The following CENPK variants were observed in gnomAD, a reference collection of about 807,000 sequenced individuals.
CENPK encodes SoxLZ/Sox6-binding protein Solt.
A neutral mutation model predicts 40.9 loss-of-function variants in CENPK; 46 were observed. The ratio of observed to expected loss-of-function variants is 1.13; its 90% CI spans 0.89 to 1.44. CENPK has a LOEUF of 1.44. Among genes scored for constraint, CENPK ranks in the 40% most tolerant of loss-of-function variants. CENPK has a pLI of 0.00. For missense variants in CENPK, 288 were observed against 303.5 expected (o/e 0.95, Z 0.38); for synonymous variants, 107 against 104.4 (o/e 1.02, Z -0.15).
intron 9 of CENPK, among the ~76,000 whole-genome samples, chr5:65,527,103 TA>T (rs1353855281): frequency 2.0e-5 from 3 of 151,392 alleles, no homozygotes; most frequent in Non-Finnish European, 4.4e-5. Flanking sequence ...TCCCCAAAAA[TA>T]AAAATAAATA....
downstream of CENPK, among the ~76,000 whole-genome samples, chr5:65,513,675 G>T (rs936711959): frequency 6.6e-6 from 1 of 152,126 alleles, no homozygotes; most frequent in African/African-American, 2.4e-5. Flanking sequence ...CTATATTCAG[G>T]TTTTAGTTTC....
chr5:65,529,211 T>A lies in CENPK; in HGVS notation c.289-12A>T. ...CTCAGCTTTTGGAACTAGAATAAAATAATTCAAATTAATTGCTTGGTCTTT... is the reference window on the plus strand; with the variant it reads ...CTCAGCTTTTGGAACTAGAATAAAAAAATTCAAATTAATTGCTTGGTCTTT... On this transcript the variant is annotated splice_polypyrimidine_tract_variant and intron_variant, in intron 6 of 10. Transcript: ENST00000396679. 6.6e-7 allele frequency: 1 copy of A among 1,516,090 alleles called. No homozygotes were observed. The highest frequency in any genetic ancestry group is 9.1e-7 in the Non-Finnish European group (1 of 1,099,670). The allele number at this position is 1,516,090 out of a possible 1,614,324, so 93.9% of individuals were successfully genotyped here. A position where few individuals can be genotyped will look rare whatever the true frequency, so the allele number is the denominator to read the frequency against.
At chr5:65,506,647 T>C in the CENPK span, among the ~76,000 whole-genome samples, 1 of 152,106 alleles carries the variant, frequency 6.6e-6, no homozygotes, top group African/African-American at 2.4e-5. Flanking sequence ...TAGCCAGGCA[T>C]GTTGATGAGT....
chr5:65,516,110 T>C (rs1230990814), downstream of CENPK, among the ~76,000 whole-genome samples: 1 of 152,190 alleles, frequency 6.6e-6, no homozygotes, highest in Non-Finnish European at 1.5e-5. Context: ...CTCCAAACAC[T>C]ATCGCACTGG....
chr5:65,545,860 T>C (rs771207313), intron 5 of CENPK, among the ~76,000 whole-genome samples: 1 of 152,034 alleles, frequency 6.6e-6, no homozygotes, highest in Non-Finnish European at 1.5e-5. Flanking sequence ...CTGCAGAAAC[T>C]GGGAAATAAT....
At chr5:65,562,225 A>T (rs1317158975) in intron 1 of CENPK, among the ~76,000 whole-genome samples, 2 of 152,200 alleles carry the variant, frequency 1.3e-5, no homozygotes, top group African/African-American at 4.8e-5. Flanking sequence ...AGCTGTAAAC[A>T]TGAAGGCTAA....
intron 10 of CENPK, among the ~76,000 whole-genome samples, chr5:65,521,005 A>G (rs1743623276): frequency 6.6e-6 from 1 of 152,200 alleles, no homozygotes. Context: ...ACACTGTAAG[A>G]AAAGAGACTG....
In CENPK at chr5:65,561,466, T is replaced by C. The variant is rs1024707099; in HGVS notation, c.-43A>G. The C allele has an allele frequency of 1.1e-5, 5 of 454,908 alleles. No homozygotes were observed. The highest frequency in any genetic ancestry group is 6.0e-5 in the African/African-American group (3 of 49,976). The allele number at this position is 454,908 out of a possible 1,614,324, so 28.2% of individuals were successfully genotyped here. On this transcript the variant is annotated 5_prime_UTR_variant, in exon 2 of 11. Coordinates refer to ENST00000396679, the MANE Select transcript of CENPK (RefSeq NM_022145.5). ...CATTTAAGAGTTTGCTCTCTACCGC[T>C]TGAGGATGCAAGATGTAAGCTGTAT...
At chr5:65,523,122 C>T (rs901548175) in intron 9 of CENPK, among the ~76,000 whole-genome samples, 2 of 152,088 alleles carry the variant, frequency 1.3e-5, no homozygotes, top group South Asian at 2.1e-4. Context: ...AAACATCATC[C>T]TATTTTATTT....
chr5:65,518,660 ACTTTACTTGGG>A, intron 10 of CENPK, 27 bp from the exon 11 acceptor site: 1 of 1,481,338 alleles, frequency 6.8e-7, no homozygotes, highest in African/African-American at 1.4e-5. Context: ...TTCAAAATAT[ACTTTACTTGGG>A]AAAAAGTCAA....
At chr5:65,542,010 T>A (rs752713289) in intron 6 of CENPK, among the ~76,000 whole-genome samples, 7 of 152,172 alleles carry the variant, frequency 4.6e-5, no homozygotes, top group Non-Finnish European at 8.8e-5. Context: ...TCTAGTTGTG[T>A]CCTCACAAGA....
At chr5:65,542,611 T>C (rs1287561746) in intron 6 of CENPK, among the ~76,000 whole-genome samples, 191 bp downstream of exon 6, 1 of 151,626 alleles carries the variant, frequency 6.6e-6, no homozygotes, top group Non-Finnish European at 1.5e-5. Flanking sequence ...CATTCCAGAC[T>C]GGGCAACAGA....
intron 6 of CENPK, among the ~76,000 whole-genome samples, chr5:65,531,236 C>G (rs919539534): frequency 2.0e-5 from 3 of 150,204 alleles, no homozygotes; most frequent in African/African-American, 7.3e-5. Context: ...TAAATATGGT[C>G]TAACAATGGC....
At position 65,531,138 on chromosome 5, in the gene CENPK, G is replaced by A. The variant is rs74364012; in HGVS notation, c.289-1939C>T. Among the ~76,000 whole-genome samples the A allele has an allele frequency of 4.6e-3, 696 of 152,162 alleles. 15 individuals carry two copies. The highest frequency in any genetic ancestry group is 0.03 in the Admixed American group (464 of 15,282). ...CAACACTGCACCCAGCCTGGGCAAC[G>A]GAGCAAGATCCTCTGCTCCCAACCC... On this transcript the variant is annotated intron_variant, in intron 6 of 10. Coordinates refer to ENST00000396679, the MANE Select transcript of CENPK (RefSeq NM_022145.5).
At position 65,529,279 on chromosome 5, in the gene CENPK, G is replaced by A. The variant is rs2150376097; in HGVS notation, c.289-80C>T. On this transcript the variant is annotated intron_variant, in intron 6 of 10. Coordinates refer to ENST00000396679, the MANE Select transcript of CENPK (RefSeq NM_022145.5). ...TGAACGATAGTCAAATTTACACAGT[G>A]GTCCAGGATACTTCCATTCAGACAT... 4 of 865,402 alleles carry A rather than the reference G, an allele frequency of 4.6e-6. No homozygotes were observed. In the East Asian group the frequency reaches 1.1e-4, roughly 23 times the overall value. 53.6% of individuals were successfully genotyped at this position (865,402 alleles called of 1,614,324 possible).
downstream of CENPK, among the ~76,000 whole-genome samples, chr5:65,513,220 G>A (rs1163048010): frequency 2.6e-5 from 4 of 152,056 alleles, no homozygotes; most frequent in Non-Finnish European, 5.9e-5. Flanking sequence ...TGGTGTTGTA[G>A]CTAAAAAGTC....
chr5:65,531,847 T>A (rs1745905941), intron 6 of CENPK, among the ~76,000 whole-genome samples: 1 of 151,818 alleles, frequency 6.6e-6, no homozygotes, highest in Admixed American at 6.6e-5. Context: ...ATTAATAACC[T>A]CAGCTTCTAT....
intron 5 of CENPK, among the ~76,000 whole-genome samples, chr5:65,549,652 T>C (rs1749627933): frequency 6.6e-6 from 1 of 152,248 alleles, no homozygotes; most frequent in South Asian, 2.1e-4. Flanking sequence ...GTTATGGAGA[T>C]GGCTTCTTTC....
intron 2 of CENPK, among the ~76,000 whole-genome samples, chr5:65,560,757 A>G (rs1254527514): frequency 1.3e-5 from 2 of 152,218 alleles, no homozygotes; most frequent in Non-Finnish European, 2.9e-5. Flanking sequence ...AGAGGCTTGC[A>G]CTGTTGGTGG....
Sources: gnomAD v4.1 joint callset for allele counts (sites outside exome capture counted in the v4.1 genomes callset) on GRCh38, gnomAD v4.1.1 for gene constraint, MANE v1.5 for transcripts, NCBI Gene and HGNC (gene_info 2026-07-23, HGNC 2026-07-21) for gene names.